The following RTL4 variants were observed in gnomAD, a reference collection of about 807,000 sequenced individuals.
RTL4 encodes the protein retrotransposon Gag like 4.
A neutral mutation model predicts 5.3 loss-of-function variants in RTL4; 4 were observed. That is an observed-to-expected ratio of 0.75 (90% CI 0.37 to 1.72). The LOEUF (loss-of-function observed/expected upper bound fraction) is 1.72. Ranked by LOEUF, RTL4 falls within the 40% of genes most tolerant of loss-of-function variation. The pLI, the probability that RTL4 is intolerant of heterozygous loss-of-function variation, is 0.04. For synonymous variants in RTL4, 98 were observed against 87.3 expected, an observed-to-expected ratio of 1.12 and a Z score of -0.68; for missense variants, 260 against 227.1, an observed-to-expected ratio of 1.14 and a Z score of -0.93.
chrX:112,351,498 G>T, the RTL4 span, among the ~76,000 whole-genome samples: 1 of 107,626 alleles, frequency 9.3e-6, no homozygotes, highest in Non-Finnish European at 1.9e-5. Flanking sequence ...ATGTGTGGGA[G>T]TCTAAGTCTC....
At chrX:112,303,561 A>AAC in the RTL4 span, among the ~76,000 whole-genome samples, 1 of 87,085 alleles carries the variant, frequency 1.1e-5, no homozygotes, top group South Asian at 6.6e-4. Context: ...GAACAATGAG[A>AAC]ACACATGGAC....
exon 1 of RTL4, chrX:112,454,996 C>A (rs764502693): frequency 8.3e-7 from 1 of 1,211,678 alleles, no homozygotes; most frequent in South Asian, 1.8e-5. Flanking sequence ...AATCTCTAAT[C>A]CTGCAAATGA....
At chrX:112,348,487 T>TA in the RTL4 span, among the ~76,000 whole-genome samples, 2 of 109,607 alleles carry the variant, frequency 1.8e-5, no homozygotes, top group Non-Finnish European at 3.8e-5. Context: ...AGCAGACAAT[T>TA]AAAAACACAC....
At chrX:112,165,693 C>G in the RTL4 span, among the ~76,000 whole-genome samples, 3 of 111,572 alleles carry the variant, frequency 2.7e-5, no homozygotes, top group Admixed American at 1.9e-4. Context: ...CATCACCCCT[C>G]CTGGACCAGC....
At chrX:112,127,655 T>C in the RTL4 span, among the ~76,000 whole-genome samples, 1 of 111,853 alleles carries the variant, frequency 8.9e-6, no homozygotes, top group Non-Finnish European at 1.9e-5. Flanking sequence ...ATGACATGAT[T>C]GTATATATAG....
the RTL4 span, among the ~76,000 whole-genome samples, chrX:112,430,476 C>T: frequency 8.9e-6 from 1 of 111,778 alleles, no homozygotes; most frequent in Non-Finnish European, 1.9e-5. Context: ...CAATTAAAGC[C>T]TTTAGCATAT....
At chrX:112,176,197 A>G in the RTL4 span, among the ~76,000 whole-genome samples, 3 of 111,985 alleles carry the variant, frequency 2.7e-5, no homozygotes, top group South Asian at 7.4e-4. Flanking sequence ...AAGGAGAACT[A>G]CAAACCACTG....
At chrX:112,097,174 A>C in the RTL4 span, among the ~76,000 whole-genome samples, 1 of 112,014 alleles carries the variant, frequency 8.9e-6, no homozygotes, top group Non-Finnish European at 1.9e-5. Flanking sequence ...TATATTAGTG[A>C]ACAAACCAAA....
the RTL4 span, among the ~76,000 whole-genome samples, chrX:112,166,733 A>G: frequency 8.9e-6 from 1 of 112,007 alleles, no homozygotes; most frequent in African/African-American, 3.2e-5. Context: ...TACTAGCTGA[A>G]TTATCTGAGT....
chrX:112,090,829 A>T, the RTL4 span, among the ~76,000 whole-genome samples: 5 of 110,994 alleles, frequency 4.5e-5, no homozygotes, highest in African/African-American at 1.6e-4. Context: ...AATTGCTGTT[A>T]ATTATTCTTT....
At chrX:112,236,441 A>G in the RTL4 span, among the ~76,000 whole-genome samples, 1 of 79,178 alleles carries the variant, frequency 1.3e-5, no homozygotes, top group Admixed American at 1.4e-4. Flanking sequence ...ATAGATCTAT[A>G]TCTATATATA....
the RTL4 span, among the ~76,000 whole-genome samples, chrX:112,186,780 A>G: frequency 8.9e-6 from 1 of 111,934 alleles, no homozygotes; most frequent in Admixed American, 9.5e-5. Flanking sequence ...TCTCCAACAG[A>G]AGTACCTGCC....
At chrX:112,339,580 T>A in the RTL4 span, among the ~76,000 whole-genome samples, 3 of 112,237 alleles carry the variant, frequency 2.7e-5, no homozygotes, top group African/African-American at 9.7e-5. Flanking sequence ...TCCATGAAAA[T>A]AAGAACCATG....
the RTL4 span, among the ~76,000 whole-genome samples, chrX:112,301,398 G>A: frequency 8.9e-6 from 1 of 112,265 alleles, no homozygotes; most frequent in East Asian, 2.8e-4. Flanking sequence ...GCATAGTACT[G>A]TGCCTGATTG....
the RTL4 span, among the ~76,000 whole-genome samples, chrX:112,445,392 T>C: frequency 8.9e-6 from 1 of 112,513 alleles, no homozygotes; most frequent in Admixed American, 9.4e-5. Context: ...CTAGAGTTGT[T>C]AGCCCTTTGA....
At chrX:112,296,603 CTT>C in the RTL4 span, among the ~76,000 whole-genome samples, 7 of 99,506 alleles carry the variant, frequency 7.0e-5, no homozygotes, top group Non-Finnish European at 1.4e-4. Flanking sequence ...CTTTTCTTTT[CTT>C]TTCTTCTTTT....
At chrX:112,232,465 C>A in the RTL4 span, among the ~76,000 whole-genome samples, 2 of 112,157 alleles carry the variant, frequency 1.8e-5, no homozygotes, top group African/African-American at 6.5e-5. Flanking sequence ...GACCCATTTT[C>A]TGTATTTTTG....
chrX:112,288,470 A>G, the RTL4 span, among the ~76,000 whole-genome samples: 3 of 112,217 alleles, frequency 2.7e-5, no homozygotes, highest in Non-Finnish European at 5.6e-5. Context: ...GTGTGCCAAT[A>G]TTCAACCTTC....
chrX:112,252,470 A>G, the RTL4 span, among the ~76,000 whole-genome samples: 1 of 112,080 alleles, frequency 8.9e-6, no homozygotes, highest in Admixed American at 9.5e-5. Flanking sequence ...AGAGAGACAG[A>G]GATTGTGAGA....
Sources: gnomAD v4.1 joint callset for allele counts (sites outside exome capture counted in the v4.1 genomes callset) on GRCh38, gnomAD v4.1.1 for gene constraint, MANE v1.5 for transcripts, NCBI Gene and HGNC (gene_info 2026-07-23, HGNC 2026-07-21) for gene names.